The following CSMD1 variants were observed in gnomAD, a reference collection of about 807,000 sequenced individuals.
CSMD1 encodes CUB and Sushi multiple domains 1.
CSMD1 carries 213 observed loss-of-function variants against 417.5 expected under a neutral mutation model. The observed-to-expected ratio is 0.51, with a 90% confidence interval of 0.46 to 0.57. The LOEUF is 0.57. Ranked by LOEUF, CSMD1 falls within the 20% of genes least tolerant of loss-of-function variation. The probability of loss-of-function intolerance (pLI) is 0.00; values close to 1 mark genes in which losing one functional copy is unlikely to be tolerated. For missense variants in CSMD1, 6,923 were observed against 4,529.7 expected (o/e 1.53, Z -15.17); for synonymous variants, 2,862 against 1,736.8 (o/e 1.65, Z -16.11).
At chr8:3,701,402 G>A (rs1196302985) in intron 7 of CSMD1, among the ~76,000 whole-genome samples, 1 of 152,090 alleles carries the variant, frequency 6.6e-6, no homozygotes. Context: ...GAGAACAGTT[G>A]CGAAAGTCTG....
intron 2 of CSMD1, among the ~76,000 whole-genome samples, chr8:4,500,299 C>A (rs766572142): frequency 6.6e-6 from 1 of 152,134 alleles, no homozygotes; most frequent in Non-Finnish European, 1.5e-5. Context: ...AATTTTTGTG[C>A]ATAGGTTACC....
At chr8:4,067,579 C>T (rs1410484094) in intron 3 of CSMD1, among the ~76,000 whole-genome samples, 2 of 152,100 alleles carry the variant, frequency 1.3e-5, no homozygotes, top group African/African-American at 4.8e-5. Context: ...TCAACAACAG[C>T]ATTTTTGTTT....
intron 5 of CSMD1, among the ~76,000 whole-genome samples, chr8:3,944,554 T>C (rs1811098248): frequency 6.6e-6 from 1 of 152,148 alleles, no homozygotes; most frequent in African/African-American, 2.4e-5. Context: ...TTCAAGGAAA[T>C]TTAAATTGTC....
chr8:4,550,248 T>C (rs190190171), intron 2 of CSMD1, among the ~76,000 whole-genome samples: 188 of 152,016 alleles, frequency 1.2e-3, no homozygotes, highest in Non-Finnish European at 2.2e-3. Context: ...CTTTTGCTTC[T>C]CATTTCCATG....
At chr8:3,821,891 A>T (rs1403694496) in intron 5 of CSMD1, among the ~76,000 whole-genome samples, 1 of 152,306 alleles carries the variant, frequency 6.6e-6, no homozygotes, top group Admixed American at 6.5e-5. Context: ...AAAAACCATG[A>T]ACTGTGCTTC....
chr8:3,399,087 C>T (rs766073746), intron 16 of CSMD1, among the ~76,000 whole-genome samples: 8 of 152,092 alleles, frequency 5.3e-5, no homozygotes, highest in Non-Finnish European at 1.2e-4. Flanking sequence ...AATCAGACAT[C>T]AAGCTGAATT....
chr8:3,927,232 T>A (rs544222955), intron 5 of CSMD1, among the ~76,000 whole-genome samples: 2 of 152,172 alleles, frequency 1.3e-5, no homozygotes, highest in East Asian at 1.9e-4. Flanking sequence ...ACCTTCTTTA[T>A]ATTATTCCAA....
intron 5 of CSMD1, among the ~76,000 whole-genome samples, chr8:3,835,592 A>G (rs1049651424): frequency 2.0e-5 from 3 of 151,812 alleles, no homozygotes; most frequent in African/African-American, 7.2e-5. Flanking sequence ...GGATAGCATT[A>G]GGAGATATGC....
At chr8:3,381,241 C>T (rs1207761178) in intron 18 of CSMD1, among the ~76,000 whole-genome samples, 4 of 151,484 alleles carry the variant, frequency 2.6e-5, no homozygotes, top group African/African-American at 4.9e-5. Flanking sequence ...AGCCCCATGT[C>T]GGTACCTGTT....
rs143248255 is a variant in CSMD1, at chr8:4,586,949, A to T, written c.302+50393T>A. The stretch of plus-strand genomic sequence containing the variant: ...TGAGAACTTGCATGCATGAATCTGT[A>T]CTGTGTAAGAGAGGTTACATCTATA... On this transcript the variant is annotated intron_variant, in intron 2 of 69. Coordinates refer to ENST00000635120, the MANE Select transcript of CSMD1 (RefSeq NM_033225.6). Among the ~76,000 whole-genome samples, 141 of 152,360 alleles carry T rather than the reference A, an allele frequency of 9.3e-4. 2 individuals are homozygous for T. The Middle Eastern group carries it at 0.017, about 18-fold the overall frequency.
intron 2 of CSMD1, among the ~76,000 whole-genome samples, chr8:4,452,945 C>G (rs190266482): frequency 2.0e-5 from 3 of 152,202 alleles, no homozygotes; most frequent in Admixed American, 1.3e-4. Context: ...AGTTAAATAG[C>G]GTTGATTTTT....
chr8:3,205,911 A>G (rs1469231103), intron 30 of CSMD1, among the ~76,000 whole-genome samples: 1 of 152,192 alleles, frequency 6.6e-6, no homozygotes, highest in Non-Finnish European at 1.5e-5. Flanking sequence ...TAGGTTCTAT[A>G]AAGACAAATG....
intron 3 of CSMD1, among the ~76,000 whole-genome samples, chr8:4,417,930 T>C (rs552717947): frequency 3.9e-4 from 59 of 152,218 alleles, no homozygotes; most frequent in African/African-American, 1.4e-3. Flanking sequence ...TTGCAATAAA[T>C]ATTGCTATAA....
intron 1 of CSMD1, among the ~76,000 whole-genome samples, chr8:4,853,495 G>T (rs1801605543): frequency 6.6e-6 from 1 of 152,182 alleles, no homozygotes; most frequent in Non-Finnish European, 1.5e-5. Flanking sequence ...GAATAAAGGA[G>T]GCTTGGCAGC....
intron 3 of CSMD1, among the ~76,000 whole-genome samples, chr8:4,415,217 G>T (rs1415947493): frequency 1.3e-5 from 2 of 151,978 alleles, no homozygotes; most frequent in Admixed American, 6.6e-5. Flanking sequence ...ATCCGCCTCC[G>T]CTCCCCACTG....
At chr8:3,719,727 T>G (rs1802041415) in intron 6 of CSMD1, among the ~76,000 whole-genome samples, 1 of 152,158 alleles carries the variant, frequency 6.6e-6, no homozygotes, top group African/African-American at 2.4e-5. Context: ...CCACATATTA[T>G]GTACAAATAT....
chr8:4,280,012 G>T (rs908422270), intron 3 of CSMD1, among the ~76,000 whole-genome samples: 1 of 152,256 alleles, frequency 6.6e-6, no homozygotes, highest in Non-Finnish European at 1.5e-5. Context: ...CCTATCTGCT[G>T]CTTCCTTCCC....
intron 1 of CSMD1, among the ~76,000 whole-genome samples, chr8:4,815,880 G>A (rs1365972980): frequency 2.0e-5 from 3 of 152,116 alleles, no homozygotes; most frequent in Non-Finnish European, 1.5e-5. Flanking sequence ...ACTGCTTTGT[G>A]TGAATTGGTT....
At chr8:3,783,093 C>G (rs967585282) in intron 5 of CSMD1, among the ~76,000 whole-genome samples, 1 of 152,132 alleles carries the variant, frequency 6.6e-6, no homozygotes, top group Non-Finnish European at 1.5e-5. Flanking sequence ...TCCCGTAACC[C>G]CCAGCCTCCA....
Sources: allele counts gnomAD v4.1 joint callset (sites outside exome capture counted in the v4.1 genomes callset), GRCh38; gene constraint gnomAD v4.1.1; transcripts MANE v1.5; gene names NCBI Gene and HGNC (gene_info 2026-07-23, HGNC 2026-07-21).